GABRA2: variants seen among roughly 807,000 people sequenced by gnomAD.
GABRA2 encodes gamma-aminobutyric acid type A receptor subunit alpha2.
In GABRA2, 16 loss-of-function variants were observed where a neutral mutation model predicts 48.7. The observed-to-expected ratio is 0.33, with a 90% CI of 0.22 to 0.50. The LOEUF (loss-of-function observed/expected upper bound fraction) is 0.50, where lower values mean the gene tolerates loss of function less well. GABRA2 is among the 20% of genes least tolerant of loss of function. The pLI, the probability that GABRA2 is intolerant of heterozygous loss-of-function variation, is 0.98. For synonymous variants in GABRA2, 185 were observed against 184.5 expected (o/e 1.00, Z -0.02); for missense variants, 275 against 535.6 (o/e 0.51, Z 4.80).
intron 3 of GABRA2, chr4:46,368,076 A>C (rs994782560): frequency 6.6e-6 from 1 of 152,132 alleles, no homozygotes; most frequent in African/African-American, 2.4e-5. Context: ...AAGTCCATCA[A>C]TCCGAAACCC....
chr4:46,250,379 A>C lies in GABRA2; in HGVS notation c.1285T>G (p.Phe429Val). 6.2e-7 allele frequency: 1 copy of C among 1,611,650 alleles called. No individual in the cohort carries two copies. The highest frequency in any genetic ancestry group is 8.5e-7 in the Non-Finnish European group (1 of 1,178,452). The change falls in exon 10 of 10, where the codon TTT (phenylalanine) becomes GTT (valine). Residue 429 changes from phenylalanine to valine, a missense_variant. Around this residue, in one of 4 missense-constraint regions of GABRA2, gnomAD observed 99 missense variants for 124.3 expected, o/e 0.80. Coordinates refer to ENST00000381620, the MANE Select transcript of GABRA2 (RefSeq NM_000807.4). ...RMSRIVFPVLFGTFNLVYWAT... is the reference protein window; with the variant it reads ...RMSRIVFPVLVGTFNLVYWAT... ...CAGTAAACTAAATTAAAGGTACCAA[A>C]CAAAACTGGAAAAACTATTCTGGAC...
At chr4:46,297,385 G>A (rs976538976) in intron 8 of GABRA2, among the ~76,000 whole-genome samples, 4 of 149,424 alleles carry the variant, frequency 2.7e-5, no homozygotes, top group African/African-American at 9.9e-5. Flanking sequence ...TCAGCTTTGG[G>A]ACTCAGACTG....
At chr4:46,297,848 A>AT (rs1234981507) in intron 8 of GABRA2, among the ~76,000 whole-genome samples, 4 of 151,406 alleles carry the variant, frequency 2.6e-5, no homozygotes, top group East Asian at 3.9e-4. Flanking sequence ...GATCTTCCAT[A>AT]TTTTTTAATG....
intron 6 of GABRA2, 60 bp from the exon 7 acceptor site, chr4:46,305,771 A>G (rs1160682195): frequency 1.6e-6 from 2 of 1,245,514 alleles, no homozygotes; most frequent in Non-Finnish European, 2.3e-6. Flanking sequence ...ATCTAGTGCT[A>G]CACGAACGGT....
intron 3 of GABRA2, among the ~76,000 whole-genome samples, chr4:46,337,217 C>T (rs898243556): frequency 4.5e-4 from 68 of 152,050 alleles, no homozygotes; most frequent in African/African-American, 1.4e-3. Flanking sequence ...ATCTCAATGC[C>T]CATAGAAGCA....
intron 3 of GABRA2, among the ~76,000 whole-genome samples, chr4:46,377,665 G>C (rs1322533666): frequency 7.0e-6 from 1 of 143,440 alleles, no homozygotes; most frequent in Admixed American, 6.9e-5. Context: ...GCCTCTGCCC[G>C]GCCGCCCCTA....
At chr4:46,338,704 C>T (rs2109843041) in intron 3 of GABRA2, among the ~76,000 whole-genome samples, 1 of 151,724 alleles carries the variant, frequency 6.6e-6, no homozygotes, top group Admixed American at 6.6e-5. Flanking sequence ...TTGCAATTTC[C>T]CATTAAAAAA....
intron 4 of GABRA2, among the ~76,000 whole-genome samples, chr4:46,330,253 C>T (rs912461303): frequency 4.6e-5 from 7 of 151,856 alleles, no homozygotes; most frequent in Non-Finnish European, 1.0e-4. Flanking sequence ...TTTTAAAGTT[C>T]TTGGGTTCAA....
chr4:46,364,048 T>A (rs1226591145), intron 3 of GABRA2: 1 of 152,206 alleles, frequency 6.6e-6, no homozygotes. Context: ...CAATGCCATA[T>A]CGTATTCTGT....
intron 8 of GABRA2, chr4:46,302,601 A>T (rs1188771726): frequency 6.6e-6 from 1 of 152,164 alleles, no homozygotes; most frequent in African/African-American, 2.4e-5. Flanking sequence ...ACAACAGAAA[A>T]ATATAGAAAG....
chr4:46,375,824 G>A (rs907792163), intron 3 of GABRA2, among the ~76,000 whole-genome samples: 3 of 152,190 alleles, frequency 2.0e-5, no homozygotes, highest in Non-Finnish European at 4.4e-5. Flanking sequence ...GGTCTTGCTC[G>A]TGATAGTATT....
intron 8 of GABRA2, among the ~76,000 whole-genome samples, chr4:46,264,671 G>A (rs181078252): frequency 1.5e-3 from 229 of 151,858 alleles, no homozygotes; most frequent in Non-Finnish European, 2.8e-3. Flanking sequence ...CTCTAGTTTG[G>A]TATTGGTATC....
intron 3 of GABRA2, among the ~76,000 whole-genome samples, chr4:46,353,331 C>T (rs1321780441): frequency 6.6e-6 from 1 of 152,038 alleles, no homozygotes; most frequent in Non-Finnish European, 1.5e-5. Context: ...TAGGTAAAAG[C>T]AGTGCCCTCT....
rs974296 is a variant in GABRA2, at chr4:46,334,287, G to A, written c.188-1605C>T. Among the ~76,000 whole-genome samples, 1,506 of 151,994 alleles carry A rather than the reference G, an allele frequency of 9.9e-3. 7 individuals carry two copies. The highest frequency in any genetic ancestry group is 0.015 in the Non-Finnish European group (989 of 67,936). ...GGCCCTGTATTTTTCATTTTGGACT[G>A]GGCATCACAAATTATGTAGCTGATG... On this transcript the variant is annotated intron_variant, in intron 3 of 9. Transcript: ENST00000381620.
In GABRA2 at chr4:46,351,792, C is replaced by T. The variant is rs1213092662; in HGVS notation, c.188-19110G>A. 2.0e-5 allele frequency among the ~76,000 whole-genome samples: 3 copies of T among 151,876 alleles called. No individual in the cohort carries two copies. In the East Asian group the frequency reaches 5.8e-4, roughly 29 times the overall value. ...ATATTTTAATGTAAATATTCAAGTTCCTTTATTCTTTCTTCATTTGCACTC... is the reference window on the plus strand; with the variant it reads ...ATATTTTAATGTAAATATTCAAGTTTCTTTATTCTTTCTTCATTTGCACTC... On this transcript the variant is annotated intron_variant, in intron 3 of 9. Transcript: ENST00000381620.
rs1229459275 is a variant in GABRA2 at position 46,307,442 on chromosome 4, T to C, written c.560-1731A>G. On this transcript the variant is annotated intron_variant, in intron 6 of 9. Coordinates refer to ENST00000381620, the MANE Select transcript of GABRA2 (RefSeq NM_000807.4). Reference sequence around the variant, plus strand: ...TGTAGTCGTCAATAAATTATGAAGTTTTTTTTTTTTTTTAGCGGAACGACA... The same window carrying C: ...TGTAGTCGTCAATAAATTATGAAGTCTTTTTTTTTTTTTAGCGGAACGACA... 3.5e-4 allele frequency among the ~76,000 whole-genome samples: 17 copies of C among 49,254 alleles called. No homozygotes were observed. In the East Asian group the frequency reaches 0.014, roughly 41 times the overall value. The allele number at this position is 49,254 out of a possible 152,430, so 32.3% of individuals were successfully genotyped here.
In GABRA2 at chr4:46,386,048, T is replaced by C. The variant is rs767677744; in HGVS notation, c.187+26A>G. The C allele has an allele frequency of 2.8e-6, 4 of 1,422,142 alleles. No homozygotes were observed. The East Asian group carries it at 9.2e-5, about 33-fold the overall frequency. The allele number at this position is 1,422,142 out of a possible 1,614,324, so 88.1% of individuals were successfully genotyped here. A position where few individuals can be genotyped will look rare whatever the true frequency, so the allele number is the denominator to read the frequency against. The stretch of plus-strand genomic sequence containing the variant: ...TTTTAAAGGCATTATTTTACGAGAG[T>C]TTTAAAAGAGGAAAACTATTTTTAC... On this transcript the variant is annotated intron_variant, in intron 3 of 9. Transcript: ENST00000381620.
At chr4:46,262,646 T>C (rs564213990) in intron 8 of GABRA2, among the ~76,000 whole-genome samples, 137 of 152,246 alleles carry the variant, frequency 9.0e-4, no homozygotes, top group African/African-American at 3.2e-3. Flanking sequence ...ACGCCTGTAA[T>C]CCCAGCACTT....
intron 3 of GABRA2, among the ~76,000 whole-genome samples, chr4:46,355,972 C>A (rs1034336217): frequency 6.6e-6 from 1 of 152,054 alleles, no homozygotes; most frequent in African/African-American, 2.4e-5. Flanking sequence ...AAATTTAGTA[C>A]CTCTTCAAGA....
Sources: gnomAD v4.1 joint callset for allele counts (sites outside exome capture counted in the v4.1 genomes callset) on GRCh38, gnomAD v4.1.1 for gene constraint, gnomAD v4.1.1 regional missense constraint, MANE v1.5 for transcripts, NCBI Gene and HGNC (gene_info 2026-07-23, HGNC 2026-07-21) for gene names.